Variants in R3HDM4 observed in about 807,000 individuals in gnomAD.
The protein encoded by R3HDM4 is R3H domain containing 4, also known as R3H domain-containing protein 4.
A neutral mutation model predicts 31.3 loss-of-function variants in R3HDM4; 30 were observed. The ratio of observed to expected loss-of-function variants is 0.96; its 90% CI spans 0.72 to 1.30. R3HDM4 has a LOEUF of 1.30. R3HDM4 is among the 50% of genes most tolerant of loss of function. The pLI, the probability that R3HDM4 is intolerant of heterozygous loss-of-function variation, is 0.00. For synonymous variants in R3HDM4, 196 were observed against 156.6 expected (o/e 1.25, Z -1.88); for missense variants, 444 against 366.1 (o/e 1.21, Z -1.74).
chr19:898,587 A>G (rs2036776378), intron 7 of R3HDM4, among the ~76,000 whole-genome samples: 1 of 151,684 alleles, frequency 6.6e-6, no homozygotes. Flanking sequence ...TGGCAGAATG[A>G]GACTGTCTCA....
At chr19:898,230 ATATATATATATATATAT>A (rs2036767717) in intron 7 of R3HDM4, among the ~76,000 whole-genome samples, 4 of 124,264 alleles carry the variant, frequency 3.2e-5, no homozygotes, top group Middle Eastern at 4.3e-3. Context: ...AAAAAAAAAA[ATATATATATATATATAT>A]ACAAAAAATT....
Position 899,206 on chromosome 19 carries a change from C to T in R3HDM4, c.703+234G>A, listed in dbSNP as rs2036789401. On this transcript the variant is annotated intron_variant, in intron 7 of 7. Coordinates refer to ENST00000361574, the MANE Select transcript of R3HDM4 (RefSeq NM_138774.4). The surrounding 1 kb of genome is among the most constrained non-coding windows in gnomAD (Gnocchi z 6.8). ...GATGCAGATGGAGGAGTGTCTGTGT[C>T]CAGCAGCCTGGTTGTGTCTGCGGTC... 6.6e-6 allele frequency among the ~76,000 whole-genome samples: 1 copy of T among 152,114 alleles called. No homozygotes were observed. Among genetic ancestry groups the T allele is most frequent in the Admixed American group, 6.6e-5 (1 of 15,264 alleles).
intron 1 of R3HDM4, among the ~76,000 whole-genome samples, chr19:908,195 A>AAAAAAC (rs554620430): frequency 5.3e-4 from 80 of 152,092 alleles, no homozygotes; most frequent in African/African-American, 1.8e-3. Flanking sequence ...CTGTCTCCCA[A>AAAAAAC]AAAAACAAAA....
At chr19:902,775 CA>C in intron 1 of R3HDM4, 1 of 151,994 alleles carries the variant, frequency 6.6e-6, no homozygotes, top group Non-Finnish European at 1.5e-5. Context: ...CTGTCTCTAC[CA>C]AAAAAAATAC....
In R3HDM4 at chr19:897,542, T is replaced by C; in HGVS notation, c.704-2A>G. 1.9e-6 allele frequency: 3 copies of C among 1,608,254 alleles called. No individual in the cohort carries two copies. The highest frequency in any genetic ancestry group is 1.7e-5 in the Admixed American group (1 of 59,146). On this transcript the variant is annotated splice_acceptor_variant, in intron 7 of 7. Coordinates refer to ENST00000361574, the MANE Select transcript of R3HDM4 (RefSeq NM_138774.4). LOFTEE classifies it high-confidence loss of function. ...GCCGCTTCCCCTCCAGGTCAGCACC[T>C]GCAGACGGGACCAGCGGGGCAAGAA...
chr19:911,543 C>T (rs1568344464), intron 1 of R3HDM4, among the ~76,000 whole-genome samples: 2 of 152,258 alleles, frequency 1.3e-5, no homozygotes, highest in African/African-American at 2.4e-5. Flanking sequence ...AGTGCCAGCT[C>T]GGTAACCCCC....
chr19:908,089 G>A (rs893968115), intron 1 of R3HDM4, among the ~76,000 whole-genome samples: 3 of 152,148 alleles, frequency 2.0e-5, no homozygotes, highest in Non-Finnish European at 4.4e-5. Flanking sequence ...CTACTTGGGA[G>A]GCTGAGGCAG....
chr19:900,828 C>T lies in R3HDM4; in HGVS notation c.475+1G>A, dbSNP rs770479671. The T allele has an allele frequency of 3.6e-5, 56 of 1,538,432 alleles. 2 individuals carry two copies. In the South Asian group the frequency reaches 4.1e-4, roughly 11 times the overall value. On this transcript the variant is annotated splice_donor_variant, in intron 4 of 7. Transcript: ENST00000361574. LOFTEE classifies it high-confidence loss of function. ...CATACCCGCCCCAGCCAGGCCCGCA[C>T]CTCTCCTCCGGTCCTCCCCACGGCC...
In R3HDM4 at chr19:907,860, A is replaced by G. The variant is rs1383418887; in HGVS notation, c.71+5227T>C. ...TCTAGTGCTGAGCTGAGCACTGGAA[A>G]TCGAGTCCCACCATCAGATGGAGCT... is the stretch of plus-strand genomic sequence containing the variant. On this transcript the variant is annotated intron_variant, in intron 1 of 7. Coordinates refer to ENST00000361574, the MANE Select transcript of R3HDM4 (RefSeq NM_138774.4). This position sits in a 1 kb window ranked among gnomAD's most constrained non-coding sequence, Gnocchi z 4.1. Among the ~76,000 whole-genome samples, 1 of 152,166 alleles carries G rather than the reference A, an allele frequency of 6.6e-6. No individual in the cohort carries two copies. The highest frequency in any genetic ancestry group is 1.5e-5 in the Non-Finnish European group (1 of 68,032).
chr19:911,810 ACGCGCGGG>A (rs2036974353), intron 1 of R3HDM4, among the ~76,000 whole-genome samples: 1 of 151,988 alleles, frequency 6.6e-6, no homozygotes, highest in Non-Finnish European at 1.5e-5. Context: ...CCCGGGAAGG[ACGCGCGGG>A]CTCCTGCTTG....
In R3HDM4 at chr19:899,523, G is replaced by T; in HGVS notation, c.648-28C>A. On this transcript the variant is annotated intron_variant, in intron 6 of 7. Transcript: ENST00000361574. This position sits in a 1 kb window ranked among gnomAD's most constrained non-coding sequence, Gnocchi z 6.8. ...GTGGGGAACGGGCAGTGAGCGCCGT[G>T]CAGGGGCTGCAGCGTGGGGTGTCCG... 1.2e-6 allele frequency: 2 copies of T among 1,613,286 alleles called. No individual in the cohort carries two copies. Among genetic ancestry groups the T allele is most frequent in the Non-Finnish European group, 1.7e-6 (2 of 1,179,768 alleles).
At chr19:901,160 G>A in intron 3 of R3HDM4, 1 of 688,074 alleles carries the variant, frequency 1.5e-6, no homozygotes, top group African/African-American at 1.8e-5. Context: ...TCGGGGTGGG[G>A]GGGATTGAGG....
At chr19:897,640 G>T (rs2036758223) in intron 7 of R3HDM4, 100 bp from the exon 8 acceptor site, 2 of 917,386 alleles carry the variant, frequency 2.2e-6, no homozygotes, top group East Asian at 2.7e-5. Context: ...TCCCAGGGAG[G>T]TCACCGCCAG....
rs777203812 is a variant in R3HDM4 at position 902,143 on chromosome 19, G to A, written c.72-13C>T. On this transcript the variant is annotated splice_polypyrimidine_tract_variant and intron_variant, in intron 1 of 7. Transcript: ENST00000361574. ...GCTGGGAAGGGGCCTGTGGGCCGGG[G>A]CAGGGGTGGTCCTCAGGGTCAAGGC... The A allele has an allele frequency of 5.0e-6, 8 of 1,611,256 alleles. No individual in the cohort carries two copies. The highest frequency in any genetic ancestry group is 1.7e-5 in the Admixed American group (1 of 60,018).
intron 1 of R3HDM4, among the ~76,000 whole-genome samples, chr19:909,376 C>G (rs545572810): frequency 2.0e-5 from 3 of 152,142 alleles, no homozygotes; most frequent in African/African-American, 7.2e-5. Flanking sequence ...CAGACTGCGG[C>G]GGCCCCCAGC....
At chr19:904,285 G>A (rs951222799) in intron 1 of R3HDM4, among the ~76,000 whole-genome samples, 1 of 152,158 alleles carries the variant, frequency 6.6e-6, no homozygotes, top group African/African-American at 2.4e-5. Flanking sequence ...CGCACAGGCG[G>A]CTCGGGTTTG....
At position 902,170 on chromosome 19, in the gene R3HDM4, G is replaced by A. The variant is rs200697379; in HGVS notation, c.72-40C>T. On this transcript the variant is annotated intron_variant, in intron 1 of 7. Transcript: ENST00000361574. ...AGGGGTGGTCCTCAGGGTCAAGGCC[G>A]GCCAGGATCTCCGAGAAGGGCCCTA... 977 of 1,605,206 alleles carry A rather than the reference G, an allele frequency of 6.1e-4. 2 individuals are homozygous for A. The highest frequency in any genetic ancestry group is 7.5e-4 in the Non-Finnish European group (886 of 1,178,554).
intron 1 of R3HDM4, among the ~76,000 whole-genome samples, chr19:908,757 C>T (rs900255110): frequency 8.6e-5 from 13 of 151,844 alleles, no homozygotes; most frequent in African/African-American, 1.2e-4. Context: ...CCCCCAGGAA[C>T]GGCCCCGCCC....
rs1172236005 is a variant in R3HDM4, at chr19:900,145, C to T, written c.477G>A (p.Glu159=). ...GPGRGEDRRR[E]DPAYTPRECF... is the part of the protein sequence containing the mutation. ...ACTCGCGGGGTGTATAGGCGGGGTC[C>T]TCTGCAGGAGTGGGGGAACAAGGGG... The change falls in exon 5 of 8, where the codon GAG becomes GAA. Residue 159 remains glutamate, a splice_region_variant and synonymous_variant. Transcript: ENST00000361574. The T allele has an allele frequency of 1.3e-6, 2 of 1,572,336 alleles. No individual in the cohort carries two copies. The highest frequency in any genetic ancestry group is 1.7e-6 in the Non-Finnish European group (2 of 1,160,496).
Sources: allele counts gnomAD v4.1 joint callset (sites outside exome capture counted in the v4.1 genomes callset), GRCh38; gene constraint gnomAD v4.1.1; non-coding constraint Gnocchi (gnomAD v3.1); transcripts MANE v1.5; gene names NCBI Gene and HGNC (gene_info 2026-07-23, HGNC 2026-07-21).